MTF1: variants seen among roughly 807,000 people sequenced by gnomAD.
The protein encoded by MTF1 is metal regulatory transcription factor 1.
In MTF1, 22 loss-of-function variants were observed where a neutral mutation model predicts 70.4. The observed-to-expected ratio is 0.31, with a 90% CI of 0.22 to 0.45. The LOEUF (loss-of-function observed/expected upper bound fraction) is 0.45. Ranked by LOEUF, MTF1 falls within the 20% of genes least tolerant of loss-of-function variation. MTF1 has a pLI of 1.00. For synonymous variants in MTF1, 333 were observed against 352.8 expected (o/e 0.94, Z 0.63); for missense variants, 649 against 922.0 (o/e 0.70, Z 3.83).
chr1:37,837,414 C>A (rs1483455937), intron 4 of MTF1, among the ~76,000 whole-genome samples: 2 of 152,088 alleles, frequency 1.3e-5, no homozygotes, highest in Non-Finnish European at 2.9e-5. Context: ...TCTAAGTACC[C>A]TAACAAAACG....
At position 37,832,283 on chromosome 1, in the gene MTF1, G is replaced by A. The variant is rs1296318303; in HGVS notation, c.1030C>T (p.Leu344=). Residue 344 remains leucine, a synonymous_variant, in exon 7 of 11, where the codon CTG becomes TTG. Transcript: ENST00000373036. The part of the protein sequence containing the change: ...HSLCLSDLSL[L]STDSELRENS... ...TCTCGCAATTCAGAATCTGTGGACA[G>A]AAGGCTCAAGTCACTTAGACAAAGT... 2 of 1,613,594 alleles carry A rather than the reference G, an allele frequency of 1.2e-6. No homozygotes were observed. The highest frequency in any genetic ancestry group is 1.1e-5 in the South Asian group (1 of 91,030).
In MTF1 at chr1:37,813,994, C is replaced by CA. The variant is rs1640778549; in HGVS notation, c.*1141_*1142insT. ...AGTAGAAGATCATCGTTTTGTGTTT[C>CA]TTTTTTTTTTTTTTTTAAATAAATC... is the stretch of plus-strand genomic sequence containing the variant. On this transcript the variant is annotated 3_prime_UTR_variant, in exon 11 of 11. Coordinates refer to ENST00000373036, the MANE Select transcript of MTF1 (RefSeq NM_005955.3). 1 of 135,094 alleles carries CA rather than the reference C, an allele frequency of 7.4e-6. No individual in the cohort carries two copies. Among genetic ancestry groups the CA allele is most frequent in the Non-Finnish European group, 1.6e-5 (1 of 62,122 alleles). 8.4% of individuals were successfully genotyped at this position (135,094 alleles called of 1,614,324 possible). A position where few individuals can be genotyped will look rare whatever the true frequency, so the allele number is the denominator to read the frequency against.
At chr1:37,847,464 A>G (rs1342820977) in intron 2 of MTF1, among the ~76,000 whole-genome samples, 4 of 152,254 alleles carry the variant, frequency 2.6e-5, no homozygotes, top group Non-Finnish European at 4.4e-5. Context: ...GGTACATATC[A>G]GGTATTCAAC....
At chr1:37,821,267 T>C (rs142864258) in intron 9 of MTF1, among the ~76,000 whole-genome samples, 191 of 152,060 alleles carry the variant, frequency 1.3e-3, no homozygotes, top group African/African-American at 4.3e-3. Context: ...CAAAAAAAAG[T>C]AATCTAAAAA....
At chr1:37,843,121 A>G (rs1447160579) in intron 2 of MTF1, among the ~76,000 whole-genome samples, 2 of 151,808 alleles carry the variant, frequency 1.3e-5, no homozygotes, top group Non-Finnish European at 2.9e-5. Context: ...GGCTCAAGTG[A>G]CCCTCCCTCC....
At chr1:37,820,116 T>C (rs1290451978) in intron 9 of MTF1, among the ~76,000 whole-genome samples, 1 of 152,108 alleles carries the variant, frequency 6.6e-6, no homozygotes, top group Non-Finnish European at 1.5e-5. Flanking sequence ...GAAAGCCCTT[T>C]CCAATGACTC....
intron 9 of MTF1, among the ~76,000 whole-genome samples, chr1:37,819,570 G>A (rs1193914462): frequency 6.6e-6 from 1 of 151,964 alleles, no homozygotes; most frequent in African/African-American, 2.4e-5. Flanking sequence ...CTTTTATCTC[G>A]CTAAAAAGGA....
intron 9 of MTF1, among the ~76,000 whole-genome samples, chr1:37,821,230 T>A (rs1218871613): frequency 6.6e-6 from 1 of 151,766 alleles, no homozygotes; most frequent in Non-Finnish European, 1.5e-5. Context: ...TTATGGAAAC[T>A]CTCTGTACCA....
At chr1:37,857,131 C>A in intron 2 of MTF1, 120 bp downstream of exon 2, 1 of 989,726 alleles carries the variant, frequency 1.0e-6, no homozygotes, top group Non-Finnish European at 1.5e-6. Context: ...TTGTTGATAG[C>A]AAAACTACTT....
At position 37,821,255 on chromosome 1, in the gene MTF1, T is replaced by C. The variant is rs1228149989; in HGVS notation, c.1767+866A>G. Among the ~76,000 whole-genome samples the C allele has an allele frequency of 4.6e-5, 7 of 151,574 alleles. No homozygotes were observed. The South Asian group carries it at 1.5e-3, about 31-fold the overall frequency. On this transcript the variant is annotated intron_variant, in intron 9 of 10. Coordinates refer to ENST00000373036, the MANE Select transcript of MTF1 (RefSeq NM_005955.3). The stretch of plus-strand genomic sequence containing the variant: ...TCTCTGTACCATCTGTTCAATAAAG[T>C]CCAAAAAAAAGTAATCTAAAAATAA...
At chr1:37,852,997 G>A (rs993609605) in intron 2 of MTF1, among the ~76,000 whole-genome samples, 6 of 152,150 alleles carry the variant, frequency 3.9e-5, no homozygotes, top group African/African-American at 1.4e-4. Context: ...CACGTACGAA[G>A]TTCTCTCGTA....
chr1:37,822,557 G>A lies in MTF1; in HGVS notation c.1331C>T (p.Pro444Leu), dbSNP rs142968188. The change falls in exon 9 of 11, where the codon CCG (proline) becomes CTG (leucine). Residue 444 changes from proline to leucine, a missense_variant. Physicochemically the swap from Pro to Leu is moderately conservative, Grantham distance 98 (BLOSUM62 -3). Coordinates refer to ENST00000373036, the MANE Select transcript of MTF1 (RefSeq NM_005955.3). Reference sequence around the variant, plus strand: ...GCCAGGTCCTAGGGAGGGAGCAGGCGGAGGAGCAGACGGAGCTGAGGCAGG... The same window carrying A: ...GCCAGGTCCTAGGGAGGGAGCAGGCAGAGGAGCAGACGGAGCTGAGGCAGG... ...LLPASAPSAP[P>L]PAPSLGPGSQ... 1.2e-5 allele frequency: 20 copies of A among 1,614,114 alleles called. No individual in the cohort carries two copies. The highest frequency in any genetic ancestry group is 5.5e-5 in the South Asian group (5 of 91,084).
chr1:37,852,644 T>G (rs1024180010), intron 2 of MTF1, among the ~76,000 whole-genome samples: 14 of 151,912 alleles, frequency 9.2e-5, no homozygotes, highest in African/African-American at 3.1e-4. Context: ...CCTTTTTTTT[T>G]TTTCCAACCA....
intron 2 of MTF1, among the ~76,000 whole-genome samples, chr1:37,843,816 G>A (rs1447143749): frequency 6.6e-6 from 1 of 152,126 alleles, no homozygotes. Context: ...TGAAACCTGT[G>A]GTGGTAGGGT....
intron 10 of MTF1, 129 bp downstream of exon 10, chr1:37,817,290 T>C (rs1318492710): frequency 2.8e-6 from 2 of 709,530 alleles, no homozygotes; most frequent in Non-Finnish European, 5.1e-6. Context: ...AACAATACAA[T>C]GTGAAGAATT....
intron 7 of MTF1, among the ~76,000 whole-genome samples, chr1:37,828,702 T>G (rs771248569): frequency 6.6e-6 from 1 of 152,222 alleles, no homozygotes; most frequent in South Asian, 2.1e-4. Flanking sequence ...CTTTTCTGTA[T>G]GTATATTGTA....
intron 2 of MTF1, among the ~76,000 whole-genome samples, chr1:37,854,638 G>C (rs1420590753): frequency 6.6e-6 from 1 of 152,236 alleles, no homozygotes; most frequent in Non-Finnish European, 1.5e-5. Context: ...CTAACAGTAA[G>C]ATGTTGCTGA....
At chr1:37,826,543 G>A (rs1641003911) in intron 7 of MTF1, 2 of 455,072 alleles carry the variant, frequency 4.4e-6, no homozygotes, top group African/African-American at 4.0e-5. Context: ...AAAGCACTGG[G>A]ATTACAAGTA....
At chr1:37,847,245 A>G (rs1212453105) in intron 2 of MTF1, among the ~76,000 whole-genome samples, 1 of 152,182 alleles carries the variant, frequency 6.6e-6, no homozygotes, top group Non-Finnish European at 1.5e-5. Flanking sequence ...TGATTCTTGT[A>G]TCTTTGCAAA....
Sources: gnomAD v4.1 joint callset for allele counts (sites outside exome capture counted in the v4.1 genomes callset) on GRCh38, gnomAD v4.1.1 for gene constraint, MANE v1.5 for transcripts, NCBI Gene and HGNC (gene_info 2026-07-23, HGNC 2026-07-21) for gene names.